Variants in ATR observed in about 807,000 individuals in gnomAD.
ATR encodes the protein serine/threonine-protein kinase ATR.
ATR carries 142 observed loss-of-function variants against 305.3 expected under a neutral mutation model. The observed-to-expected ratio is 0.47, with a 90% CI of 0.41 to 0.53. ATR has a LOEUF of 0.53. Among genes scored for constraint, ATR ranks in the 20% least tolerant of loss-of-function variants. The pLI is 0.00. For missense variants in ATR, 2,135 were observed against 3,133.1 expected, an observed-to-expected ratio of 0.68 and a Z score of 7.60; for synonymous variants, 1,050 against 1,068.1, an observed-to-expected ratio of 0.98 and a Z score of 0.33.
chr3:142,478,249 A>G (rs1229564222), intron 36 of ATR, among the ~76,000 whole-genome samples: 2 of 151,664 alleles, frequency 1.3e-5, no homozygotes, highest in South Asian at 4.2e-4. Flanking sequence ...TTCCCTCTAC[A>G]CACTGCTTTA....
rs1335620968 is a variant in ATR, at chr3:142,461,875, C to T, written c.7192+65G>A. On this transcript the variant is annotated intron_variant, in intron 42 of 46. Coordinates refer to ENST00000350721, the MANE Select transcript of ATR (RefSeq NM_001184.4). ...AACATATGCTAGCATATATTAATAC[C>T]AATTATACCCATATTATATAACTTA... 1.6e-5 allele frequency: 24 copies of T among 1,517,228 alleles called. 1 individual carries two copies. The Admixed American group carries it at 4.0e-4, about 26-fold the overall frequency. 94.0% of individuals were successfully genotyped at this position (1,517,228 alleles called of 1,614,324 possible).
intron 21 of ATR, among the ~76,000 whole-genome samples, chr3:142,527,524 A>C (rs1398860388): frequency 2.0e-5 from 3 of 152,160 alleles, no homozygotes; most frequent in African/African-American, 7.2e-5. Context: ...TGTGATTTTT[A>C]AATACCTTCT....
intron 36 of ATR, among the ~76,000 whole-genome samples, chr3:142,483,514 G>T (rs772297972): frequency 2.0e-5 from 3 of 151,928 alleles, no homozygotes; most frequent in Non-Finnish European, 4.4e-5. Context: ...TATTGGAATG[G>T]GCTAGAAGGA....
At chr3:142,450,892 A>T (rs1208173687) in intron 46 of ATR, 6 of 1,270,144 alleles carry the variant, frequency 4.7e-6, no homozygotes, top group Non-Finnish European at 6.0e-6. Context: ...ATACGGTGTT[A>T]AAAATGGTGA....
intron 22 of ATR, among the ~76,000 whole-genome samples, chr3:142,523,259 A>G (rs2033229738): frequency 6.6e-6 from 1 of 152,084 alleles, no homozygotes; most frequent in Non-Finnish European, 1.5e-5. Context: ...ATCTCTACTA[A>G]AAATACAAAA....
intron 36 of ATR, among the ~76,000 whole-genome samples, chr3:142,484,488 G>A (rs1202744212): frequency 6.6e-6 from 1 of 152,156 alleles, no homozygotes; most frequent in African/African-American, 2.4e-5. Flanking sequence ...AAGCTCCTGT[G>A]CCGGACCCCT....
At chr3:142,509,320 C>T (rs375049795) in intron 27 of ATR, among the ~76,000 whole-genome samples, 3 of 151,912 alleles carry the variant, frequency 2.0e-5, no homozygotes, top group East Asian at 1.9e-4. Context: ...TGTGCCACCA[C>T]GCCTGGCCAA....
chr3:142,574,880 T>C (rs1207186400), intron 1 of ATR, among the ~76,000 whole-genome samples: 1 of 152,122 alleles, frequency 6.6e-6, no homozygotes, highest in Non-Finnish European at 1.5e-5. Flanking sequence ...CACTGGAAAC[T>C]GTAAGAGGCT....
intron 25 of ATR, among the ~76,000 whole-genome samples, chr3:142,514,635 A>G (rs997480897): frequency 1.5e-3 from 211 of 140,546 alleles, no homozygotes; most frequent in Admixed American, 3.7e-3. Context: ...CTCTGTCTCG[A>G]AAAAAAAAAA....
chr3:142,470,640 C>A (rs970535444), intron 36 of ATR, among the ~76,000 whole-genome samples: 2 of 152,060 alleles, frequency 1.3e-5, no homozygotes, highest in Non-Finnish European at 2.9e-5. Flanking sequence ...CTTTATCATG[C>A]TCTCCCCTTA....
intron 45 of ATR, among the ~76,000 whole-genome samples, chr3:142,456,000 T>C (rs967123571): frequency 5.9e-5 from 9 of 152,204 alleles, no homozygotes; most frequent in Non-Finnish European, 1.2e-4. Flanking sequence ...TAAAAGGTCT[T>C]GTATCCAAAA....
intron 21 of ATR, among the ~76,000 whole-genome samples, chr3:142,526,963 A>AT (rs990621827): frequency 1.3e-5 from 2 of 151,606 alleles, no homozygotes; most frequent in African/African-American, 4.8e-5. Flanking sequence ...TAATTTTTGT[A>AT]TTTTTTGTAG....
chr3:142,568,113 C>T lies in ATR; in HGVS notation c.101G>A (p.Arg34Lys). Reference sequence around the variant, plus strand: ...GTCAATGAATTGACACAGAATTTGTCTTGGCTTCTGTACAACTGTATTATA... The same window carrying T: ...GTCAATGAATTGACACAGAATTTGTTTTGGCTTCTGTACAACTGTATTATA... ...EEYNTVVQKP[R>K]QILCQFIDRI... Residue 34 changes from arginine to lysine, a missense_variant, in exon 2 of 47, where the codon AGA (arginine) becomes AAA (lysine). Physicochemically the swap from Arg to Lys is conservative, Grantham distance 26 (BLOSUM62 2). Transcript: ENST00000350721. 6.2e-7 allele frequency: 1 copy of T among 1,612,776 alleles called. No homozygotes were observed. Among genetic ancestry groups the T allele is most frequent in the Non-Finnish European group, 8.5e-7 (1 of 1,179,202 alleles).
rs777729532 is a variant in ATR, at chr3:142,555,937, A to C, written c.2281T>G (p.Ser761Ala). ...HECSSSQLKA[S>A]VCKPFLFLLK... ...AGGAAAAGGAATGGCTTGCAGACAG[A>C]AGCTTTTAGTTGAGAAGATGAACAT... Residue 761 changes from serine (S) to alanine (A), a missense_variant, in exon 10 of 47, where the codon TCT becomes GCT. Around this residue, in one of 9 missense-constraint regions of ATR, gnomAD observed 530 missense variants for 766.8 expected, o/e 0.69. Coordinates refer to ENST00000350721, the MANE Select transcript of ATR (RefSeq NM_001184.4). 3 of 1,613,098 alleles carry C rather than the reference A, an allele frequency of 1.9e-6. No individual in the cohort carries two copies. Among genetic ancestry groups the C allele is most frequent in the Non-Finnish European group, 1.7e-6 (2 of 1,179,788 alleles).
At chr3:142,513,428 C>T in intron 26 of ATR, 73 bp downstream of exon 26, 2 of 1,545,144 alleles carry the variant, frequency 1.3e-6, no homozygotes, top group Non-Finnish European at 1.8e-6. Context: ...AATAGGTAGC[C>T]TTTCTAATAC....
At chr3:142,522,592 A>C in intron 23 of ATR, 136 bp downstream of exon 23, 1 of 805,296 alleles carries the variant, frequency 1.2e-6, no homozygotes, top group Non-Finnish European at 2.1e-6. Flanking sequence ...TGTACTCTAA[A>C]ATGTTTATCA....
At chr3:142,480,162 T>G (rs2030317390) in intron 36 of ATR, among the ~76,000 whole-genome samples, 1 of 152,244 alleles carries the variant, frequency 6.6e-6, no homozygotes, top group Admixed American at 6.5e-5. Flanking sequence ...GGAGAGGCCC[T>G]CTGATTTTTA....
intron 21 of ATR, among the ~76,000 whole-genome samples, chr3:142,529,851 G>A (rs1577642216): frequency 6.6e-6 from 1 of 151,894 alleles, no homozygotes; most frequent in South Asian, 2.1e-4. Flanking sequence ...TGGCCAGGAA[G>A]CTTTGAAGAC....
chr3:142,578,614 G>A (rs1164125392), intron 1 of ATR, 32 bp downstream of exon 1: 4 of 1,604,120 alleles, frequency 2.5e-6, no homozygotes, highest in Non-Finnish European at 2.6e-6. Flanking sequence ...CAGCGGAGGA[G>A]GATGCAGGAC....
Sources: allele counts gnomAD v4.1 joint callset (sites outside exome capture counted in the v4.1 genomes callset), GRCh38; gene constraint gnomAD v4.1.1; regional missense constraint gnomAD v4.1.1; transcripts MANE v1.5; gene names NCBI Gene and HGNC (gene_info 2026-07-23, HGNC 2026-07-21).